Variants in PLPPR5 observed in about 807,000 individuals in gnomAD.
The protein encoded by PLPPR5 is phospholipid phosphatase-related protein type 5.
In PLPPR5, 16 loss-of-function variants were observed where a neutral mutation model predicts 33.9. That is an observed-to-expected ratio of 0.47 (90% CI 0.32 to 0.72). The LOEUF (loss-of-function observed/expected upper bound fraction) is 0.72, where lower values mean the gene tolerates loss of function less well. Among genes scored for constraint, PLPPR5 ranks in the 30% least tolerant of loss-of-function variants. The pLI is 0.03. For synonymous variants in PLPPR5, 163 were observed against 150.3 expected (o/e 1.08, Z -0.62); for missense variants, 301 against 406.7 (o/e 0.74, Z 2.23).
chr1:98,914,826 G>C lies in PLPPR5; in HGVS notation c.893C>G (p.Pro298Arg). The change falls in exon 5 of 6, where the codon CCT (proline) becomes CGT (arginine). Residue 298 changes from proline (P) to arginine (R), a missense_variant. Pro to Arg is a moderately radical substitution (Grantham distance 103). Transcript: ENST00000263177. ...CTTTTCCAAAGGACTTTCTACTCGA[G>C]GAATGCTGATCATTGGCATCTGTGC... ...NLAQMPMISI[P>R]RVESPLEKVT... The C allele has an allele frequency of 1.2e-6, 2 of 1,613,066 alleles. No individual in the cohort carries two copies. The highest frequency in any genetic ancestry group is 1.7e-6 in the Non-Finnish European group (2 of 1,179,600).
intron 3 of PLPPR5, among the ~76,000 whole-genome samples, chr1:98,926,122 G>A (rs762493802): frequency 7.2e-5 from 11 of 151,818 alleles, no homozygotes; most frequent in Non-Finnish European, 1.0e-4. Context: ...TTTACTGTTC[G>A]CCTCTTTTCT....
At chr1:98,963,706 G>A (rs1366388961) in intron 1 of PLPPR5, among the ~76,000 whole-genome samples, 1 of 152,086 alleles carries the variant, frequency 6.6e-6, no homozygotes, top group Non-Finnish European at 1.5e-5. Flanking sequence ...GTCACACCCT[G>A]GAGTCCTACC....
At chr1:98,969,069 G>T (rs1339540758) in intron 1 of PLPPR5, among the ~76,000 whole-genome samples, 8 of 152,062 alleles carry the variant, frequency 5.3e-5, no homozygotes, top group African/African-American at 1.9e-4. Context: ...AAAGAAAATT[G>T]TTAACTTTAT....
At chr1:98,979,461 T>C (rs372761439) in intron 1 of PLPPR5, among the ~76,000 whole-genome samples, 54 of 152,242 alleles carry the variant, frequency 3.5e-4, no homozygotes, top group African/African-American at 1.2e-3. Flanking sequence ...AGGGGCTATG[T>C]TGTTGCTATT....
chr1:98,967,567 T>G (rs6682665), intron 1 of PLPPR5, among the ~76,000 whole-genome samples: 28,333 of 152,004 alleles, frequency 0.19, 2,702 homozygotes, highest in East Asian at 0.26. Flanking sequence ...TGGCAGAAAG[T>G]TATCCAATCT....
At chr1:98,943,817 A>G (rs1650462033) in intron 3 of PLPPR5, among the ~76,000 whole-genome samples, 1 of 152,238 alleles carries the variant, frequency 6.6e-6, no homozygotes, top group African/African-American at 2.4e-5. Flanking sequence ...GGATAAGTGT[A>G]GACCACTGAA....
rs1418978970 is a variant in PLPPR5, at chr1:98,890,382, T to C, written c.*2690A>G. The C allele has an allele frequency of 2.0e-5, 3 of 152,500 alleles. No individual in the cohort carries two copies. The highest frequency in any genetic ancestry group is 7.2e-5 in the African/African-American group (3 of 41,432). The allele number at this position is 152,500 out of a possible 1,614,324, so 9.4% of individuals were successfully genotyped here. ...TGAGATATTTGGCTAGGATAGATCC[T>C]GAGAAAAGAGAGGCCCAGTTAGAAG... On this transcript the variant is annotated 3_prime_UTR_variant, in exon 6 of 6. Coordinates refer to ENST00000263177, the MANE Select transcript of PLPPR5 (RefSeq NM_001037317.2).
At position 99,004,613 on chromosome 1, in the gene PLPPR5, A is replaced by G. The variant is rs749624536; in HGVS notation, c.59T>C (p.Met20Thr). ...SSMLYFQMVIMAGTVMLAYYF... is the reference protein window; with the variant it reads ...SSMLYFQMVITAGTVMLAYYF... ...GTACGCCAGCATCACCGTCCCTGCC[A>G]TGATCACCATCTGGAAATAGAGCAT... The change falls in exon 1 of 6, where the codon ATG becomes ACG. Residue 20 changes from methionine to threonine, a missense_variant. By Grantham distance (81) the Met-to-Thr change is moderately conservative. Coordinates refer to ENST00000263177, the MANE Select transcript of PLPPR5 (RefSeq NM_001037317.2). The G allele has an allele frequency of 6.2e-7, 1 of 1,613,120 alleles. No individual in the cohort carries two copies. The highest frequency in any genetic ancestry group is 1.1e-5 in the South Asian group (1 of 91,084).
Position 98,982,968 on chromosome 1 carries a change from G to A in PLPPR5, c.237+21467C>T, listed in dbSNP as rs143775707. Among the ~76,000 whole-genome samples the A allele has an allele frequency of 7.9e-5, 12 of 152,202 alleles. No homozygotes were observed. The East Asian group carries it at 1.9e-3, about 25-fold the overall frequency. On this transcript the variant is annotated intron_variant, in intron 1 of 5. Transcript: ENST00000263177. The stretch of plus-strand genomic sequence containing the variant: ...GGTACCAAGAGTTAGTTTGTGCTGC[G>A]AGAGAGCGCATAACCTTTGGGTTTG...
intron 1 of PLPPR5, among the ~76,000 whole-genome samples, chr1:99,004,010 C>G (rs1007560938): frequency 8.5e-5 from 13 of 152,190 alleles, no homozygotes; most frequent in African/African-American, 3.1e-4. Context: ...GCAATTGATC[C>G]CCTCTCTCCT....
Position 98,995,958 on chromosome 1 carries a change from A to G in PLPPR5, c.237+8477T>C, listed in dbSNP as rs747671469. On this transcript the variant is annotated intron_variant, in intron 1 of 5. Transcript: ENST00000263177. ...ATTGGCTTGAATCAGATAACACCACATGACTTTGAGATGCTCAAGTCTAGT... is the reference window on the plus strand; with the variant it reads ...ATTGGCTTGAATCAGATAACACCACGTGACTTTGAGATGCTCAAGTCTAGT... 4.9e-4 allele frequency among the ~76,000 whole-genome samples: 74 copies of G among 152,096 alleles called. 1 individual carries two copies. Among genetic ancestry groups the G allele is most frequent in the Non-Finnish European group, 8.1e-4 (55 of 68,008 alleles).
chr1:98,911,783 G>A (rs1649158517), intron 5 of PLPPR5, among the ~76,000 whole-genome samples: 1 of 151,620 alleles, frequency 6.6e-6, no homozygotes, highest in Non-Finnish European at 1.5e-5. Flanking sequence ...GGTCAGGGAT[G>A]GGTTCTCCAT....
chr1:98,982,439 C>T (rs1652089218), intron 1 of PLPPR5, among the ~76,000 whole-genome samples: 1 of 152,074 alleles, frequency 6.6e-6, no homozygotes, highest in Admixed American at 6.6e-5. Flanking sequence ...GCCAATTCCT[C>T]AAACAAGCCA....
intron 5 of PLPPR5, among the ~76,000 whole-genome samples, chr1:98,914,310 G>C (rs967712909): frequency 2.6e-5 from 4 of 152,092 alleles, no homozygotes; most frequent in African/African-American, 9.7e-5. Context: ...TTTTGATACG[G>C]AGTCTCACTC....
At chr1:98,944,928 C>T (rs1021605598) in intron 3 of PLPPR5, among the ~76,000 whole-genome samples, 4 of 152,154 alleles carry the variant, frequency 2.6e-5, no homozygotes, top group African/African-American at 4.8e-5. Flanking sequence ...ATAATTGTGT[C>T]GTTTGAAAAG....
At chr1:98,925,341 T>G (rs907286721) in intron 3 of PLPPR5, among the ~76,000 whole-genome samples, 8 of 152,148 alleles carry the variant, frequency 5.3e-5, no homozygotes, top group African/African-American at 1.9e-4. Flanking sequence ...GCTCACTATC[T>G]CGCAGGCCAA....
At chr1:98,960,884 C>A (rs1003281970) in intron 1 of PLPPR5, among the ~76,000 whole-genome samples, 1 of 152,202 alleles carries the variant, frequency 6.6e-6, no homozygotes, top group Non-Finnish European at 1.5e-5. Context: ...CACACTTCTA[C>A]AGGCTCCTCC....
chr1:98,906,197 A>T (rs1648892245), intron 5 of PLPPR5, among the ~76,000 whole-genome samples: 1 of 150,904 alleles, frequency 6.6e-6, no homozygotes, highest in South Asian at 2.1e-4. Flanking sequence ...ATATATATAT[A>T]GTGTGTGTGT....
At chr1:98,910,445 C>A (rs1489088101) in intron 5 of PLPPR5, among the ~76,000 whole-genome samples, 1 of 152,136 alleles carries the variant, frequency 6.6e-6, no homozygotes, top group Non-Finnish European at 1.5e-5. Flanking sequence ...AATTTGACCA[C>A]AGGCTAATTG....
Sources: gnomAD v4.1 joint callset for allele counts (sites outside exome capture counted in the v4.1 genomes callset) on GRCh38, gnomAD v4.1.1 for gene constraint, MANE v1.5 for transcripts, NCBI Gene and HGNC (gene_info 2026-07-23, HGNC 2026-07-21) for gene names.